COL14A1: variants seen among roughly 807,000 people sequenced by gnomAD.
COL14A1 encodes the protein collagen type XIV alpha 1 chain, also known as collagen alpha-1(XIV) chain.
In COL14A1, 136 loss-of-function variants were observed where a neutral mutation model predicts 230.3. The observed-to-expected ratio is 0.59, with a 90% CI of 0.51 to 0.68. The LOEUF is 0.68. COL14A1 is among the 30% of genes least tolerant of loss of function. The pLI is 0.00. For synonymous variants in COL14A1, 792 were observed against 784.1 expected, an observed-to-expected ratio of 1.01 and a Z score of -0.17; for missense variants, 1,976 against 2,215.8, an observed-to-expected ratio of 0.89 and a Z score of 2.17.
intron 28 of COL14A1, among the ~76,000 whole-genome samples, chr8:120,279,234 G>T (rs1819958184): frequency 6.6e-6 from 1 of 151,964 alleles, no homozygotes; most frequent in South Asian, 2.1e-4. Flanking sequence ...GTTGATAGGT[G>T]CAGTAAACCA....
chr8:120,327,385 C>G (rs373727207), intron 40 of COL14A1, among the ~76,000 whole-genome samples: 1 of 152,158 alleles, frequency 6.6e-6, no homozygotes, highest in Non-Finnish European at 1.5e-5. Flanking sequence ...CCAGAGCTCC[C>G]CATGGGATCA....
chr8:120,179,197 T>C (rs1055502278), intron 5 of COL14A1, among the ~76,000 whole-genome samples: 7 of 152,284 alleles, frequency 4.6e-5, no homozygotes, highest in Non-Finnish European at 8.8e-5. Flanking sequence ...AGGGCAATCA[T>C]GCAAGAGAAA....
chr8:120,160,890 TTTTGTTTG>T (rs897560044), intron 3 of COL14A1, among the ~76,000 whole-genome samples: 2 of 152,230 alleles, frequency 1.3e-5, no homozygotes, highest in African/African-American at 4.8e-5. Context: ...TTAAAGCTTT[TTTTGTTTG>T]TTTGTTTGTT....
chr8:120,258,437 C>T (rs1452638215), intron 23 of COL14A1, among the ~76,000 whole-genome samples: 1 of 152,108 alleles, frequency 6.6e-6, no homozygotes, highest in South Asian at 2.1e-4. Context: ...ATGAAATAAA[C>T]TGACTGTTTG....
intron 32 of COL14A1, among the ~76,000 whole-genome samples, chr8:120,284,207 G>A (rs1163992547): frequency 6.6e-6 from 1 of 152,192 alleles, no homozygotes; most frequent in Non-Finnish European, 1.5e-5. Context: ...AGAATTCTGG[G>A]ATGGAGATGT....
chr8:120,321,426 G>T (rs1024077868), intron 40 of COL14A1, among the ~76,000 whole-genome samples: 1 of 151,960 alleles, frequency 6.6e-6, no homozygotes, highest in Non-Finnish European at 1.5e-5. Context: ...GGATCACAAG[G>T]TCAGGCGTTC....
chr8:120,200,718 TATATATATA>T (rs1817213545), intron 8 of COL14A1, among the ~76,000 whole-genome samples: 2 of 5,376 alleles, frequency 3.7e-4, no homozygotes, highest in East Asian at 9.8e-3. Flanking sequence ...TTCCTATTTA[TATATATATA>T]TATATATATA....
chr8:120,346,683 T>C (rs1366655548), intron 45 of COL14A1, among the ~76,000 whole-genome samples: 1 of 152,180 alleles, frequency 6.6e-6, no homozygotes, highest in Admixed American at 6.5e-5. Flanking sequence ...AGTTCAAGGC[T>C]CAGCTGTCTT....
chr8:120,198,371 A>C (rs1334637441), intron 7 of COL14A1, among the ~76,000 whole-genome samples: 1 of 152,184 alleles, frequency 6.6e-6, no homozygotes, highest in Non-Finnish European at 1.5e-5. Context: ...TAAAAAGTCA[A>C]GATCCTCTCT....
chr8:120,246,679 A>G (rs1368385076), intron 20 of COL14A1, among the ~76,000 whole-genome samples: 1 of 152,168 alleles, frequency 6.6e-6, no homozygotes, highest in Non-Finnish European at 1.5e-5. Flanking sequence ...ATATAGTAAA[A>G]TTATTTTGAA....
At chr8:120,250,507 G>A (rs1818902559) in intron 21 of COL14A1, 110 bp from the exon 22 acceptor site, 2 of 1,182,926 alleles carry the variant, frequency 1.7e-6, no homozygotes, top group Non-Finnish European at 2.5e-6. Flanking sequence ...TCTGCTTGCT[G>A]TATAATCCCA....
chr8:120,338,552 A>G (rs1391432456), intron 42 of COL14A1, among the ~76,000 whole-genome samples: 1 of 152,198 alleles, frequency 6.6e-6, no homozygotes, highest in African/African-American at 2.4e-5. Context: ...TTATAGGAGT[A>G]TTATAAGCAC....
intron 20 of COL14A1, 39 bp downstream of exon 20, chr8:120,244,047 A>G: frequency 2.5e-6 from 4 of 1,597,628 alleles, no homozygotes; most frequent in Middle Eastern, 3.8e-4. Flanking sequence ...AAGCCGACTC[A>G]TTAAATGGAA....
chr8:120,229,560 C>T (rs1277295118), intron 18 of COL14A1, among the ~76,000 whole-genome samples: 2 of 151,982 alleles, frequency 1.3e-5, no homozygotes, highest in African/African-American at 4.8e-5. Context: ...TGAATAGTGC[C>T]ACAATAAACA....
chr8:120,163,804 C>G (rs1321255015), intron 4 of COL14A1, among the ~76,000 whole-genome samples: 1 of 152,086 alleles, frequency 6.6e-6, no homozygotes, highest in Non-Finnish European at 1.5e-5. Context: ...TCCACACAGG[C>G]CCTGATTCTT....
intron 20 of COL14A1, among the ~76,000 whole-genome samples, chr8:120,244,335 G>A (rs1053374154): frequency 1.3e-5 from 2 of 152,040 alleles, no homozygotes; most frequent in African/African-American, 2.4e-5. Flanking sequence ...CATCTAACAG[G>A]TGTGCTCTAG....
intron 2 of COL14A1, among the ~76,000 whole-genome samples, chr8:120,151,000 A>G (rs1159173345): frequency 6.6e-6 from 1 of 152,124 alleles, no homozygotes; most frequent in Non-Finnish European, 1.5e-5. Flanking sequence ...GAGTAAAAAA[A>G]AAAAATCCAA....
At chr8:120,243,575 A>C (rs1411587205) in intron 19 of COL14A1, among the ~76,000 whole-genome samples, 1 of 152,232 alleles carries the variant, frequency 6.6e-6, no homozygotes, top group Non-Finnish European at 1.5e-5. Context: ...CTGCTATCTA[A>C]ACAGGCCATT....
chr8:120,133,919 G>A (rs557176799), intron 1 of COL14A1, among the ~76,000 whole-genome samples: 11 of 151,836 alleles, frequency 7.2e-5, no homozygotes, highest in Non-Finnish European at 1.2e-4. Flanking sequence ...TTCAAGGTAG[G>A]TTACAAAATT....
Sources: allele counts gnomAD v4.1 joint callset (sites outside exome capture counted in the v4.1 genomes callset), GRCh38; gene constraint gnomAD v4.1.1; transcripts MANE v1.5; gene names NCBI Gene and HGNC (gene_info 2026-07-23, HGNC 2026-07-21).